Variants in PCDHA2 observed in about 807,000 individuals in gnomAD.
PCDHA2 encodes protocadherin alpha 2.
Under a neutral mutation model 66.0 loss-of-function variants are expected in PCDHA2, and 58 were observed. The ratio of observed to expected loss-of-function variants is 0.88; its 90% confidence interval spans 0.71 to 1.09. The LOEUF is 1.09. PCDHA2 is among the 50% of genes least tolerant of loss of function. The probability of loss-of-function intolerance (pLI) is 0.00; values close to 1 mark genes in which losing one functional copy is unlikely to be tolerated. For missense variants in PCDHA2, 1,267 were observed against 1,242.3 expected, an observed-to-expected ratio of 1.02 and a Z score of -0.30; for synonymous variants, 634 against 554.0, an observed-to-expected ratio of 1.14 and a Z score of -2.03.
intron 1 of PCDHA2, chr5:140,966,755 C>T (rs1554228616): frequency 7.0e-7 from 1 of 1,434,520 alleles, no homozygotes; most frequent in Admixed American, 2.7e-5. Context: ...GCCTCCGCCG[C>T]GGCCAGTGGC....
At chr5:140,822,436 C>A in intron 1 of PCDHA2, 1 of 1,613,874 alleles carries the variant, frequency 6.2e-7, no homozygotes, top group South Asian at 1.1e-5. Context: ...AAAACCCGAA[C>A]TAACAGGTAC....
chr5:140,943,571 G>A (rs1164273913), intron 1 of PCDHA2, among the ~76,000 whole-genome samples: 4 of 152,152 alleles, frequency 2.6e-5, no homozygotes, highest in Admixed American at 2.6e-4. Context: ...ATTTTAATTT[G>A]TTGATCTGAG....
At chr5:140,937,614 C>A (rs561420642) in intron 1 of PCDHA2, among the ~76,000 whole-genome samples, 1 of 149,010 alleles carries the variant, frequency 6.7e-6, no homozygotes, top group Non-Finnish European at 1.5e-5. Flanking sequence ...GATACTCCAT[C>A]TAAAAAGAAA....
At chr5:140,797,578 T>G in intron 1 of PCDHA2, 1 of 623,802 alleles carries the variant, frequency 1.6e-6, no homozygotes, top group Middle Eastern at 4.4e-4. Context: ...CTTCCATCAT[T>G]AAGTCATAAG....
At chr5:140,965,911 G>C (rs1476309026) in intron 1 of PCDHA2, among the ~76,000 whole-genome samples, 1 of 152,206 alleles carries the variant, frequency 6.6e-6, no homozygotes, top group African/African-American at 2.4e-5. Context: ...CCAGGATGCT[G>C]GTTTTAGGCT....
At chr5:140,954,692 C>T (rs1428031536) in intron 1 of PCDHA2, among the ~76,000 whole-genome samples, 10 of 151,966 alleles carry the variant, frequency 6.6e-5, no homozygotes, top group African/African-American at 2.4e-4. Flanking sequence ...GATGGATAGA[C>T]TACAAAATTT....
chr5:140,968,702 A>G, intron 1 of PCDHA2: 3 of 1,614,178 alleles, frequency 1.9e-6, no homozygotes, highest in Non-Finnish European at 2.5e-6. Flanking sequence ...TAGGACTACC[A>G]GGAAGATGGG....
chr5:140,900,257 T>G (rs1184928608), intron 1 of PCDHA2, among the ~76,000 whole-genome samples: 3 of 152,108 alleles, frequency 2.0e-5, no homozygotes, highest in Admixed American at 6.6e-5. Context: ...TGAATAGTAC[T>G]CCATTGTGTA....
chr5:140,795,607 A>G lies in PCDHA2; in HGVS notation c.643A>G (p.Thr215Ala). The change falls in exon 1 of 4, where the codon ACT becomes GCT. Residue 215 changes from threonine (T) to alanine (A), a missense_variant. Coordinates refer to ENST00000526136, the MANE Select transcript of PCDHA2 (RefSeq NM_018905.3). ...TGAGGTTAATTTGTTACTGGTGGCT[A>G]CTGATGGGGGCAAACCTGAGCTCAC... ...TAEVNLLLVA[T>A]DGGKPELTGT... is the part of the protein sequence containing the mutation. The G allele has an allele frequency of 6.2e-7, 1 of 1,614,218 alleles. No homozygotes were observed. The highest frequency in any genetic ancestry group is 8.5e-7 in the Non-Finnish European group (1 of 1,180,036).
rs1554120333 is a variant in PCDHA2 at position 140,797,197 on chromosome 5, G to T, written c.2233G>T (p.Val745Leu). ...GKPTLVCSSAVGSWSYSQQRR... is the reference protein window; with the variant it reads ...GKPTLVCSSALGSWSYSQQRR... ...GCCCACGCTGGTGTGCTCCAGCGCC[G>T]TGGGGAGCTGGTCTTACTCGCAGCA... The change falls in exon 1 of 4, where the codon GTG (valine) becomes TTG (leucine). Residue 745 changes from valine to leucine, a missense_variant. By Grantham distance (32) the Val-to-Leu change is conservative. Transcript: ENST00000526136. 1 of 1,614,074 alleles carries T rather than the reference G, an allele frequency of 6.2e-7. No individual in the cohort carries two copies. Among genetic ancestry groups the T allele is most frequent in the Non-Finnish European group, 8.5e-7 (1 of 1,180,050 alleles).
chr5:140,967,548 C>G (rs782750678), intron 1 of PCDHA2: 1 of 1,613,922 alleles, frequency 6.2e-7, no homozygotes, highest in Admixed American at 1.7e-5. Flanking sequence ...GACCAGTCCA[C>G]TTATCGCGTC....
chr5:141,009,557 C>T (rs782135260), intron 3 of PCDHA2, 70 bp from the exon 4 acceptor site: 38 of 1,565,272 alleles, frequency 2.4e-5, no homozygotes, highest in Non-Finnish European at 2.8e-5. Flanking sequence ...TACTCCTGTA[C>T]TCTACCAGCA....
intron 3 of PCDHA2, among the ~76,000 whole-genome samples, chr5:140,991,572 G>A (rs782016422): frequency 1.3e-4 from 20 of 152,144 alleles, no homozygotes; most frequent in Non-Finnish European, 2.9e-4. Flanking sequence ...TCCAATAACA[G>A]GCTCCTTATT....
chr5:140,920,400 T>C (rs1185930806), intron 1 of PCDHA2, among the ~76,000 whole-genome samples: 1 of 152,244 alleles, frequency 6.6e-6, no homozygotes, highest in Non-Finnish European at 1.5e-5. Context: ...TGGTGTCTTT[T>C]TTTAATCAGA....
At chr5:140,886,138 T>C (rs1166911705) in intron 1 of PCDHA2, among the ~76,000 whole-genome samples, 2 of 152,208 alleles carry the variant, frequency 1.3e-5, no homozygotes, top group African/African-American at 4.8e-5. Flanking sequence ...AACCAGATTC[T>C]TGATATCACC....
Position 140,870,321 on chromosome 5 carries a change from G to C in PCDHA2, c.2388+72969G>C, listed in dbSNP as rs1554164064. The C allele has an allele frequency of 1.9e-6, 3 of 1,614,222 alleles. No individual in the cohort carries two copies. In the Admixed American group the frequency reaches 5.0e-5, roughly 27 times the overall value. On this transcript the variant is annotated intron_variant, in intron 1 of 3. Transcript: ENST00000526136. Reference sequence around the variant, plus strand: ...CCACCTTCAAGAATTACTACTCGTTGGTGCTGGACAGCGCCCTGGACCGCG... The same window carrying C: ...CCACCTTCAAGAATTACTACTCGTTCGTGCTGGACAGCGCCCTGGACCGCG...
chr5:140,852,046 T>C, intron 1 of PCDHA2: 1 of 917,334 alleles, frequency 1.1e-6, no homozygotes, highest in South Asian at 5.0e-5. Flanking sequence ...TTTTGTTATG[T>C]GGTTTATATT....
chr5:140,940,045 G>T (rs2092536047), intron 1 of PCDHA2, among the ~76,000 whole-genome samples: 1 of 152,038 alleles, frequency 6.6e-6, no homozygotes, highest in African/African-American at 2.4e-5. Flanking sequence ...TATTTTATTA[G>T]ATTCTTAACC....
chr5:141,001,943 A>G (rs1197227753), intron 3 of PCDHA2, among the ~76,000 whole-genome samples: 1 of 147,256 alleles, frequency 6.8e-6, no homozygotes, highest in African/African-American at 2.7e-5. Flanking sequence ...GAGCGGAAAT[A>G]AGGAGGAGGG....
Sources: gnomAD v4.1 joint callset for allele counts (sites outside exome capture counted in the v4.1 genomes callset) on GRCh38, gnomAD v4.1.1 for gene constraint, MANE v1.5 for transcripts, NCBI Gene and HGNC (gene_info 2026-07-23, HGNC 2026-07-21) for gene names.